Variants in PLA2G15 observed in about 807,000 individuals in gnomAD.
PLA2G15 encodes the protein lysosomal phospholipase A and acyltransferase.
Under a neutral mutation model 40.9 loss-of-function variants are expected in PLA2G15, and 20 were observed. The observed-to-expected ratio is 0.49, with a 90% CI of 0.34 to 0.71. The LOEUF is 0.71. PLA2G15 is among the 30% of genes least tolerant of loss of function. The pLI is 0.01. For synonymous variants in PLA2G15, 223 were observed against 228.2 expected, an observed-to-expected ratio of 0.98 and a Z score of 0.21; for missense variants, 471 against 541.9, an observed-to-expected ratio of 0.87 and a Z score of 1.30.
chr16:68,245,914 G>A (rs1454159357), intron 1 of PLA2G15, among the ~76,000 whole-genome samples: 1 of 152,148 alleles, frequency 6.6e-6, no homozygotes, highest in East Asian at 1.9e-4. Context: ...GTGTAGAGTG[G>A]CTCCTGAGTT....
In PLA2G15 at chr16:68,255,216, C is replaced by T. The variant is rs2042390590; in HGVS notation, c.404-66C>T. On this transcript the variant is annotated intron_variant, in intron 3 of 5. Transcript: ENST00000219345. The surrounding 1 kb of genome is among the most constrained non-coding windows in gnomAD (Gnocchi z 5.9). ...CCTGCTAGCTGTCACAGTCTCCATG[C>T]TGGGCATAGTGTAGGTGGCCGGCAC... 8.3e-7 allele frequency: 1 copy of T among 1,208,190 alleles called. No homozygotes were observed. The highest frequency in any genetic ancestry group is 1.2e-6 in the Non-Finnish European group (1 of 815,538). The allele number at this position is 1,208,190 out of a possible 1,614,324, so 74.8% of individuals were successfully genotyped here.
intron 5 of PLA2G15, among the ~76,000 whole-genome samples, chr16:68,258,386 A>C (rs1215572842): frequency 6.6e-6 from 1 of 152,240 alleles, no homozygotes; most frequent in East Asian, 1.9e-4. Context: ...CTCACTTTAG[A>C]CTAGGTCAGT....
Position 68,259,585 on chromosome 16 carries a change from C to A in PLA2G15, c.1167C>A (p.Gly389=), listed in dbSNP as rs199664291. 1.2e-6 allele frequency: 2 copies of A among 1,613,380 alleles called. No homozygotes were observed. Among genetic ancestry groups the A allele is most frequent in the East Asian group, 4.5e-5 (2 of 44,884 alleles). The change falls in exon 6 of 6, where the codon GGC becomes GGA. Residue 389 remains glycine, a synonymous_variant. Transcript: ENST00000219345. The surrounding 1 kb of genome is among the most constrained non-coding windows in gnomAD (Gnocchi z 6.5). ...AAGTGTTGCTGCAGGAGCTGCCAGG[C>A]AGCGAGCACATCGAGATGCTGGCCA... is the stretch of plus-strand genomic sequence containing the variant. ...EHQVLLQELP[G]SEHIEMLANA...
At chr16:68,250,243 C>A in intron 2 of PLA2G15, 1 of 328,174 alleles carries the variant, frequency 3.0e-6, no homozygotes, top group South Asian at 2.1e-5. Flanking sequence ...TGCAATGGCG[C>A]GATCTCGGCT....
rs779092105 is a variant in PLA2G15 at position 68,259,288 on chromosome 16, C to T, written c.870C>T (p.Tyr290=). ...KVFVQTPTIN[Y]TLRDYRKFFQ... Reference sequence around the variant, plus strand: ...TCGTGCAGACACCCACAATCAACTACACACTGCGGGACTACCGCAAGTTCT... The same window carrying T: ...TCGTGCAGACACCCACAATCAACTATACACTGCGGGACTACCGCAAGTTCT... The change falls in exon 6 of 6, where the codon TAC becomes TAT. Residue 290 remains tyrosine, a synonymous_variant. Transcript: ENST00000219345. The surrounding 1 kb of genome is among the most constrained non-coding windows in gnomAD (Gnocchi z 6.5). 3 of 1,614,064 alleles carry T rather than the reference C, an allele frequency of 1.9e-6. No homozygotes were observed. Among genetic ancestry groups the T allele is most frequent in the African/African-American group, 1.3e-5 (1 of 75,080 alleles).
chr16:68,259,290 C>T lies in PLA2G15; in HGVS notation c.872C>T (p.Thr291Ile), dbSNP rs2042424859. The T allele has an allele frequency of 6.2e-7, 1 of 1,614,056 alleles. No individual in the cohort carries two copies. The highest frequency in any genetic ancestry group is 8.5e-7 in the Non-Finnish European group (1 of 1,180,036). ...VFVQTPTINY[T>I]LRDYRKFFQD... ...GTGCAGACACCCACAATCAACTACACACTGCGGGACTACCGCAAGTTCTTC... is the reference window on the plus strand; with the variant it reads ...GTGCAGACACCCACAATCAACTACATACTGCGGGACTACCGCAAGTTCTTC... The change falls in exon 6 of 6, where the codon ACA becomes ATA. Residue 291 changes from threonine to isoleucine, a missense_variant. Transcript: ENST00000219345. The surrounding 1 kb of genome is among the most constrained non-coding windows in gnomAD (Gnocchi z 6.5).
At position 68,255,806 on chromosome 16, in the gene PLA2G15, CGAG is replaced by C. The variant is rs768084387; in HGVS notation, c.547_549del (p.Glu183del). The C allele has an allele frequency of 6.2e-7, 1 of 1,614,170 alleles. No individual in the cohort carries two copies. The highest frequency in any genetic ancestry group is 1.1e-5 in the South Asian group (1 of 91,086). The stretch of plus-strand genomic sequence containing the variant: ...ACTTCCTGGCCCTCCGCGAGATGAT[CGAG>C]GAGATGTACCAGCTGTATGGGGGCC... On this transcript the variant is annotated inframe_deletion, in exon 5 of 6. Coordinates refer to ENST00000219345, the MANE Select transcript of PLA2G15 (RefSeq NM_012320.4). This position sits in a 1 kb window ranked among gnomAD's most constrained non-coding sequence, Gnocchi z 5.9.
At chr16:68,250,741 A>C (rs1480511535) in intron 2 of PLA2G15, among the ~76,000 whole-genome samples, 1 of 152,182 alleles carries the variant, frequency 6.6e-6, no homozygotes, top group Non-Finnish European at 1.5e-5. Context: ...TTAGCTGGGC[A>C]TGGTGGCATG....
intron 5 of PLA2G15, among the ~76,000 whole-genome samples, chr16:68,258,285 G>C (rs546736268): frequency 6.6e-6 from 1 of 152,330 alleles, no homozygotes; most frequent in South Asian, 2.1e-4. Context: ...CTGAACGCTG[G>C]TCTGAGCTTA....
At position 68,255,717 on chromosome 16, in the gene PLA2G15, C is replaced by T. The variant is rs755091996; in HGVS notation, c.503-49C>T. On this transcript the variant is annotated intron_variant, in intron 4 of 5. Coordinates refer to ENST00000219345, the MANE Select transcript of PLA2G15 (RefSeq NM_012320.4). The surrounding 1 kb of genome is among the most constrained non-coding windows in gnomAD (Gnocchi z 5.9). Reference sequence around the variant, plus strand: ...TGGCCTGAGAAAAGCTCAGTGGTTCCGGCTCCAGGACCCTTCCCACCTGAC... The same window carrying T: ...TGGCCTGAGAAAAGCTCAGTGGTTCTGGCTCCAGGACCCTTCCCACCTGAC... 36 of 1,500,502 alleles carry T rather than the reference C, an allele frequency of 2.4e-5. No homozygotes were observed. The highest frequency in any genetic ancestry group is 1.7e-4 in the Middle Eastern group (1 of 5,870). 92.9% of individuals were successfully genotyped at this position (1,500,502 alleles called of 1,614,324 possible).
chr16:68,260,038 A>G lies in PLA2G15; in HGVS notation c.*381A>G, dbSNP rs2042433747. The G allele has an allele frequency of 7.7e-6, 2 of 261,148 alleles. No individual in the cohort carries two copies. The highest frequency in any genetic ancestry group is 1.5e-5 in the Non-Finnish European group (2 of 133,776). The allele number at this position is 261,148 out of a possible 1,614,324, so 16.2% of individuals were successfully genotyped here. ...TGGGCCCTGGCCCCGCAGCCTTCCTATGAGGGATGTTACTGGGCTGTGGTC... is the reference window on the plus strand; with the variant it reads ...TGGGCCCTGGCCCCGCAGCCTTCCTGTGAGGGATGTTACTGGGCTGTGGTC... On this transcript the variant is annotated 3_prime_UTR_variant, in exon 6 of 6. Coordinates refer to ENST00000219345, the MANE Select transcript of PLA2G15 (RefSeq NM_012320.4).
chr16:68,260,186 GCTGGTGGCCAGCCTGACTGGCTTCC>G lies in PLA2G15; in HGVS notation c.*530_*554del. The G allele has an allele frequency of 6.4e-6, 1 of 156,156 alleles. No homozygotes were observed. Among genetic ancestry groups the G allele is most frequent in the East Asian group, 1.9e-4 (1 of 5,242 alleles). 9.7% of individuals were successfully genotyped at this position (156,156 alleles called of 1,614,324 possible). On this transcript the variant is annotated 3_prime_UTR_variant, in exon 6 of 6. Transcript: ENST00000219345. Reference sequence around the variant, plus strand: ...GAGCTGCTGGCTTCCCTGTGGCTTAGCTGGTGGCCAGCCTGACTGGCTTCCTGGGCGAGCCTAGTAGCTCCTGCAG... The same window carrying G: ...GAGCTGCTGGCTTCCCTGTGGCTTAGTGGGCGAGCCTAGTAGCTCCTGCAG...
rs143233197 is a variant in PLA2G15 at position 68,256,074 on chromosome 16, G to A, written c.727+84G>A. The A allele has an allele frequency of 2.5e-4, 218 of 858,350 alleles. 2 individuals are homozygous for A. In the East Asian group the frequency reaches 5.6e-3, roughly 22 times the overall value. 53.2% of individuals were successfully genotyped at this position (858,350 alleles called of 1,614,324 possible). A position where few individuals can be genotyped will look rare whatever the true frequency, so the allele number is the denominator to read the frequency against. The stretch of plus-strand genomic sequence containing the variant: ...CCTTCCTAAGTGTCCTCCTGGGCCA[G>A]CATGCCTCGTGTCTGTCCCACGGTG... On this transcript the variant is annotated intron_variant, in intron 5 of 5. Transcript: ENST00000219345.
intron 1 of PLA2G15, among the ~76,000 whole-genome samples, chr16:68,246,156 A>C (rs927858430): frequency 6.6e-6 from 1 of 152,192 alleles, no homozygotes; most frequent in Non-Finnish European, 1.5e-5. Flanking sequence ...ATGGCCATGA[A>C]CCTGTGTCAG....
At chr16:68,248,653 C>T in intron 1 of PLA2G15, 2 of 809,414 alleles carry the variant, frequency 2.5e-6, no homozygotes, top group Non-Finnish European at 3.1e-6. Context: ...TCCCAAAGTG[C>T]TGGGATTACA....
Position 68,259,110 on chromosome 16 carries a change from C to T in PLA2G15, c.728-36C>T. ...ACATGCTGCCCAACCAGCTGGCATTCCTAAGCACAGACTGACCAGAGCCTT... is the reference window on the plus strand; with the variant it reads ...ACATGCTGCCCAACCAGCTGGCATTTCTAAGCACAGACTGACCAGAGCCTT... On this transcript the variant is annotated intron_variant, in intron 5 of 5. Coordinates refer to ENST00000219345, the MANE Select transcript of PLA2G15 (RefSeq NM_012320.4). The surrounding 1 kb of genome is among the most constrained non-coding windows in gnomAD (Gnocchi z 6.5). 6.4e-7 allele frequency: 1 copy of T among 1,573,832 alleles called. No homozygotes were observed. Among genetic ancestry groups the T allele is most frequent in the Non-Finnish European group, 8.6e-7 (1 of 1,160,624 alleles).
chr16:68,252,581 TG>T (rs1327778883), intron 2 of PLA2G15: 3 of 455,908 alleles, frequency 6.6e-6, no homozygotes, highest in Non-Finnish European at 1.3e-5. Flanking sequence ...CTGTCCTGTC[TG>T]GTTCTGTTTG....
chr16:68,245,540 C>G lies in PLA2G15; in HGVS notation c.114C>G (p.Pro38=), dbSNP rs367732757. 49 of 1,583,972 alleles carry G rather than the reference C, an allele frequency of 3.1e-5. No homozygotes were observed. In the African/African-American group the frequency reaches 3.2e-4, roughly 10 times the overall value. ...CAGCGCTCCCGGCCGGACGTCACCC[C>G]CCAGTGGTGCTGGGTGAGGCACGGG... The part of the protein sequence containing the change: ...ADPALPAGRH[P]PVVLVPGDLG... The change falls in exon 1 of 6, where the codon CCC becomes CCG. Residue 38 remains proline (P), a synonymous_variant. Coordinates refer to ENST00000219345, the MANE Select transcript of PLA2G15 (RefSeq NM_012320.4).
intron 5 of PLA2G15, among the ~76,000 whole-genome samples, chr16:68,257,491 G>A (rs1055519608): frequency 6.6e-6 from 1 of 152,196 alleles, no homozygotes; most frequent in Non-Finnish European, 1.5e-5. Flanking sequence ...TTTCATGACT[G>A]TTGCAGCTCA....
Sources: allele counts gnomAD v4.1 joint callset (sites outside exome capture counted in the v4.1 genomes callset), GRCh38; gene constraint gnomAD v4.1.1; non-coding constraint Gnocchi (gnomAD v3.1); transcripts MANE v1.5; gene names NCBI Gene and HGNC (gene_info 2026-07-23, HGNC 2026-07-21).